ACAD10: variants seen among roughly 807,000 people sequenced by gnomAD.
ACAD10 encodes the protein acyl-CoA dehydrogenase family member 10.
In ACAD10, 112 loss-of-function variants were observed where a neutral mutation model predicts 116.8. The observed-to-expected ratio is 0.96, with a 90% CI of 0.82 to 1.12. ACAD10 has a LOEUF of 1.12. Among genes scored for constraint, ACAD10 ranks in the 50% most tolerant of loss-of-function variants. The probability of loss-of-function intolerance (pLI) is 0.00; values close to 1 mark genes in which losing one functional copy is unlikely to be tolerated. For missense variants in ACAD10, 1,259 were observed against 1,350.2 expected, an observed-to-expected ratio of 0.93 and a Z score of 1.06; for synonymous variants, 486 against 510.6, an observed-to-expected ratio of 0.95 and a Z score of 0.65.
chr12:111,720,618 T>G (rs1888987810), intron 7 of ACAD10, among the ~76,000 whole-genome samples: 1 of 152,200 alleles, frequency 6.6e-6, no homozygotes. Flanking sequence ...AGCTTTCTTA[T>G]GCTTAGTGAT....
chr12:111,755,992 T>G (rs1471869268), intron 20 of ACAD10: 2 of 728,422 alleles, frequency 2.7e-6, no homozygotes, highest in Non-Finnish European at 4.4e-6. Context: ...TCACTGAGCT[T>G]GCAAGTAGCT....
In ACAD10 at chr12:111,747,110, A is replaced by C; in HGVS notation, c.2318A>C (p.Glu773Ala). 6.2e-7 allele frequency: 1 copy of C among 1,613,392 alleles called. No individual in the cohort carries two copies. The highest frequency in any genetic ancestry group is 8.5e-7 in the Non-Finnish European group (1 of 1,179,510). The change falls in exon 15 of 21, where the codon GAA (glutamate) becomes GCA (alanine). Residue 773 changes from glutamate (E) to alanine (A), a missense_variant. Coordinates refer to ENST00000313698, the MANE Select transcript of ACAD10 (RefSeq NM_025247.6). ...GAGCTGCTGGTGAGGTATGGCACCG[A>C]AGCGCAGAAGGCTCGCTGGCTGATT... ...NMELLVRYGTEAQKARWLIPL... is the reference protein window; with the variant it reads ...NMELLVRYGTAAQKARWLIPL...
intron 3 of ACAD10, among the ~76,000 whole-genome samples, chr12:111,702,718 C>T (rs956132620): frequency 4.6e-5 from 7 of 151,824 alleles, no homozygotes; most frequent in Admixed American, 3.9e-4. Flanking sequence ...GCAACAAGAG[C>T]GAAACTGTCT....
At chr12:111,756,288 C>G in intron 20 of ACAD10, 45 bp from the exon 21 acceptor site, 3 of 1,533,606 alleles carry the variant, frequency 2.0e-6, no homozygotes, top group Non-Finnish European at 2.6e-6. Context: ...CTCTCGGAGA[C>G]AAGGGCTGAC....
chr12:111,689,966 C>T lies in ACAD10; in HGVS notation c.-13-2731C>T, dbSNP rs181046113. On this transcript the variant is annotated intron_variant, in intron 1 of 20. Coordinates refer to ENST00000313698, the MANE Select transcript of ACAD10 (RefSeq NM_025247.6). Reference sequence around the variant, plus strand: ...TCCTGACTTTGTGATCCGCCCGCCTCGGCCTCCCAGAGTGCTGGGATTACA... The same window carrying T: ...TCCTGACTTTGTGATCCGCCCGCCTTGGCCTCCCAGAGTGCTGGGATTACA... 4.7e-4 allele frequency among the ~76,000 whole-genome samples: 72 copies of T among 152,254 alleles called. 1 individual carries two copies. The East Asian group carries it at 0.013, about 27-fold the overall frequency.
chr12:111,746,051 C>A (rs1889886192), intron 13 of ACAD10, 93 bp from the exon 14 acceptor site: 1 of 1,509,780 alleles, frequency 6.6e-7, no homozygotes, highest in Admixed American at 2.1e-5. Flanking sequence ...GGTTGTCTGC[C>A]TTGTTTCCTC....
At chr12:111,711,445 G>A (rs187226904) in intron 5 of ACAD10, among the ~76,000 whole-genome samples, 14 of 152,112 alleles carry the variant, frequency 9.2e-5, no homozygotes, top group East Asian at 5.8e-4. Flanking sequence ...TCCTGACCTC[G>A]TGATACGCCT....
At chr12:111,717,232 C>A (rs1250847579) in intron 7 of ACAD10, among the ~76,000 whole-genome samples, 1 of 151,836 alleles carries the variant, frequency 6.6e-6, no homozygotes, top group Admixed American at 6.6e-5. Flanking sequence ...GTGACTTGGA[C>A]CTGTAGTCCC....
intron 2 of ACAD10, among the ~76,000 whole-genome samples, chr12:111,700,999 T>A (rs753629011): frequency 1.3e-5 from 2 of 152,124 alleles, no homozygotes; most frequent in Non-Finnish European, 2.9e-5. Context: ...CCTCAAGCGA[T>A]CCTCCCATTT....
intron 5 of ACAD10, among the ~76,000 whole-genome samples, chr12:111,712,263 A>G (rs1446011878): frequency 6.6e-6 from 1 of 152,174 alleles, no homozygotes; most frequent in African/African-American, 2.4e-5. Context: ...TTCAAGTGCT[A>G]TGTCTTTGTG....
intron 1 of ACAD10, among the ~76,000 whole-genome samples, chr12:111,689,961 C>T (rs1008502713): frequency 5.3e-5 from 8 of 152,146 alleles, no homozygotes; most frequent in Admixed American, 1.3e-4. Flanking sequence ...GTGATCCGCC[C>T]GCCTCGGCCT....
chr12:111,695,196 C>T (rs1438244338), intron 2 of ACAD10, among the ~76,000 whole-genome samples: 3 of 152,154 alleles, frequency 2.0e-5, no homozygotes, highest in East Asian at 3.8e-4. Flanking sequence ...CCTGATGCTC[C>T]CCAGGCATGC....
intron 4 of ACAD10, among the ~76,000 whole-genome samples, chr12:111,709,065 G>A (rs1282241765): frequency 6.6e-6 from 1 of 151,002 alleles, no homozygotes; most frequent in African/African-American, 2.4e-5. Flanking sequence ...AAAAAATGGC[G>A]AAATGCTTTC....
At chr12:111,722,963 C>T (rs1252664226) in intron 8 of ACAD10, among the ~76,000 whole-genome samples, 1 of 151,216 alleles carries the variant, frequency 6.6e-6, no homozygotes, top group South Asian at 2.1e-4. Flanking sequence ...TAGGGGTGGC[C>T]GGGCAGAGGC....
At position 111,721,752 on chromosome 12, in the gene ACAD10, T is replaced by A. The variant is rs199844598; in HGVS notation, c.1061+13T>A. The A allele has an allele frequency of 5.0e-6, 8 of 1,584,460 alleles. No homozygotes were observed. The African/African-American group carries it at 6.7e-5, about 13-fold the overall frequency. The stretch of plus-strand genomic sequence containing the variant: ...GTGAAGATTCAAGGTAAAGTTCAGA[T>A]GTTTTTGCTATTGCACTTTCAAGCT... On this transcript the variant is annotated intron_variant, in intron 8 of 20. Transcript: ENST00000313698.
intron 12 of ACAD10, among the ~76,000 whole-genome samples, chr12:111,739,474 A>C (rs1889668177): frequency 6.6e-6 from 1 of 152,182 alleles, no homozygotes; most frequent in Admixed American, 6.5e-5. Context: ...AAGAAACATC[A>C]GGCTGGGCGT....
intron 13 of ACAD10, 24 bp from the exon 14 acceptor site, chr12:111,746,120 C>G: frequency 6.2e-7 from 1 of 1,603,000 alleles, no homozygotes; most frequent in Non-Finnish European, 8.5e-7. Flanking sequence ...ACTGTGGTTT[C>G]CTGACTTATT....
chr12:111,749,361 C>T lies in ACAD10; in HGVS notation c.2817+16C>T, dbSNP rs756820008. The T allele has an allele frequency of 1.7e-5, 27 of 1,604,228 alleles. No homozygotes were observed. The highest frequency in any genetic ancestry group is 1.7e-4 in the Middle Eastern group (1 of 5,990). Reference sequence around the variant, plus strand: ...GAAGGCCCGCGTGAGTGCTTTCCCCCGCACCCAGCACTGACTCAGAACCAC... The same window carrying T: ...GAAGGCCCGCGTGAGTGCTTTCCCCTGCACCCAGCACTGACTCAGAACCAC... On this transcript the variant is annotated intron_variant, in intron 18 of 20. Coordinates refer to ENST00000313698, the MANE Select transcript of ACAD10 (RefSeq NM_025247.6).
At chr12:111,700,030 T>G (rs1223386844) in intron 2 of ACAD10, among the ~76,000 whole-genome samples, 1 of 152,054 alleles carries the variant, frequency 6.6e-6, no homozygotes, top group African/African-American at 2.4e-5. Context: ...AGTAAACAAG[T>G]GTGGTTGTGT....
Sources: allele counts gnomAD v4.1 joint callset (sites outside exome capture counted in the v4.1 genomes callset), GRCh38; gene constraint gnomAD v4.1.1; transcripts MANE v1.5; gene names NCBI Gene and HGNC (gene_info 2026-07-23, HGNC 2026-07-21).